Variants in TAX1BP1 observed in about 807,000 individuals in gnomAD.
TAX1BP1 encodes tax1-binding protein 1.
TAX1BP1 carries 62 observed loss-of-function variants against 97.7 expected under a neutral mutation model. That is an observed-to-expected ratio of 0.63 (90% confidence interval 0.52 to 0.78). The LOEUF (loss-of-function observed/expected upper bound fraction) is 0.78, where lower values mean the gene tolerates loss of function less well. TAX1BP1 is among the 30% of genes least tolerant of loss of function. The pLI, the probability that TAX1BP1 is intolerant of heterozygous loss-of-function variation, is 0.00. For synonymous variants in TAX1BP1, 340 were observed against 304.2 expected (o/e 1.12, Z -1.23); for missense variants, 867 against 916.1 (o/e 0.95, Z 0.69).
chr7:27,826,111 A>G (rs1382782711), intron 15 of TAX1BP1, among the ~76,000 whole-genome samples: 2 of 152,210 alleles, frequency 1.3e-5, no homozygotes, highest in Non-Finnish European at 2.9e-5. Flanking sequence ...ACTGTCCTAC[A>G]TACTAAGCTC....
intron 5 of TAX1BP1, among the ~76,000 whole-genome samples, chr7:27,784,426 T>G (rs541948227): frequency 6.6e-6 from 1 of 152,142 alleles, no homozygotes; most frequent in Non-Finnish European, 1.5e-5. Flanking sequence ...CTTTTATATT[T>G]GTCTTAGTGT....
rs190573061 is a variant in TAX1BP1, at chr7:27,797,849, T to C, written c.1638+1630T>C. On this transcript the variant is annotated intron_variant, in intron 12 of 16. Transcript: ENST00000396319. ...CAAAAACCTTCCTCAGGGTGCTTTTTTTTTTTTTTAAACAACCATATTGAG... is the reference window on the plus strand; with the variant it reads ...CAAAAACCTTCCTCAGGGTGCTTTTCTTTTTTTTTAAACAACCATATTGAG... Among the ~76,000 whole-genome samples the C allele has an allele frequency of 2.8e-3, 429 of 152,104 alleles. 6 individuals are homozygous for C. Among genetic ancestry groups the C allele is most frequent in the African/African-American group, 9.8e-3 (405 of 41,504 alleles).
intron 1 of TAX1BP1, among the ~76,000 whole-genome samples, chr7:27,742,589 G>A (rs1383800518): frequency 6.6e-6 from 1 of 152,164 alleles, no homozygotes; most frequent in African/African-American, 2.4e-5. Context: ...CACAGACACA[G>A]TAACAGTCTG....
At chr7:27,780,905 TTA>T (rs1214030377) in intron 5 of TAX1BP1, among the ~76,000 whole-genome samples, 1 of 152,158 alleles carries the variant, frequency 6.6e-6, no homozygotes, top group Non-Finnish European at 1.5e-5. Context: ...TTTTCATAGT[TTA>T]TTTCATAAGA....
chr7:27,744,637 A>G (rs969214356), intron 1 of TAX1BP1, among the ~76,000 whole-genome samples: 4 of 152,194 alleles, frequency 2.6e-5, no homozygotes, highest in Non-Finnish European at 4.4e-5. Context: ...TAAGTTCACT[A>G]AGGCTTACAT....
chr7:27,779,845 G>T (rs940370896), intron 5 of TAX1BP1, among the ~76,000 whole-genome samples: 7 of 152,086 alleles, frequency 4.6e-5, no homozygotes, highest in Non-Finnish European at 5.9e-5. Context: ...TTATGTCTTC[G>T]TGATAGAAAC....
At chr7:27,789,377 ACT>A (rs1274148414) in intron 8 of TAX1BP1, among the ~76,000 whole-genome samples, 1 of 151,820 alleles carries the variant, frequency 6.6e-6, no homozygotes, top group Non-Finnish European at 1.5e-5. Context: ...GAAAAATTTT[ACT>A]CTGAGGTCTC....
At chr7:27,790,629 G>A (rs1486063795) in intron 8 of TAX1BP1, among the ~76,000 whole-genome samples, 6 of 151,978 alleles carry the variant, frequency 3.9e-5, no homozygotes, top group African/African-American at 1.4e-4. Flanking sequence ...CATTATTTTA[G>A]TATTTTATTG....
intron 5 of TAX1BP1, among the ~76,000 whole-genome samples, chr7:27,783,531 G>C (rs1751383871): frequency 6.6e-6 from 1 of 152,184 alleles, no homozygotes; most frequent in African/African-American, 2.4e-5. Flanking sequence ...GTTGTAGTCA[G>C]AGTTAATTTA....
intron 1 of TAX1BP1, among the ~76,000 whole-genome samples, chr7:27,740,754 G>C (rs914973201): frequency 2.0e-5 from 3 of 152,224 alleles, no homozygotes; most frequent in Admixed American, 6.5e-5. Context: ...TTTGCGGAGA[G>C]AAACCCAGCT....
At chr7:27,762,920 T>A (rs961270154) in intron 3 of TAX1BP1, among the ~76,000 whole-genome samples, 1 of 152,172 alleles carries the variant, frequency 6.6e-6, no homozygotes, top group Non-Finnish European at 1.5e-5. Context: ...ACCACTTCAC[T>A]CCAGACTTGG....
At chr7:27,790,994 G>A (rs997239412) in intron 8 of TAX1BP1, among the ~76,000 whole-genome samples, 1 of 151,952 alleles carries the variant, frequency 6.6e-6, no homozygotes, top group Non-Finnish European at 1.5e-5. Context: ...CATGACTTTT[G>A]ACTTTTGTTT....
At chr7:27,753,081 C>G (rs1788081245) in intron 2 of TAX1BP1, among the ~76,000 whole-genome samples, 1 of 152,118 alleles carries the variant, frequency 6.6e-6, no homozygotes, top group East Asian at 1.9e-4. Context: ...GGGCAGATCA[C>G]TTCAGGTCAG....
chr7:27,777,700 C>A (rs1483218284), intron 5 of TAX1BP1, among the ~76,000 whole-genome samples: 1 of 152,182 alleles, frequency 6.6e-6, no homozygotes, highest in African/African-American at 2.4e-5. Context: ...CTTTCCTAGA[C>A]TCTCAGTTTC....
At chr7:27,795,295 G>A (rs1410244571) in intron 11 of TAX1BP1, among the ~76,000 whole-genome samples, 1 of 152,006 alleles carries the variant, frequency 6.6e-6, no homozygotes, top group Non-Finnish European at 1.5e-5. Flanking sequence ...TGGTAATGAA[G>A]GGCTAGAAGA....
chr7:27,743,476 C>G (rs921820972), intron 1 of TAX1BP1, among the ~76,000 whole-genome samples: 1 of 152,182 alleles, frequency 6.6e-6, no homozygotes, highest in African/African-American at 2.4e-5. Flanking sequence ...CAACCATTAC[C>G]TGAATTACAA....
chr7:27,820,358 G>C (rs1790927791), intron 15 of TAX1BP1, among the ~76,000 whole-genome samples: 1 of 152,004 alleles, frequency 6.6e-6, no homozygotes, highest in African/African-American at 2.4e-5. Flanking sequence ...CTTTTTTCTG[G>C]TGAGTTCTAG....
At chr7:27,740,687 G>C (rs973221493) in intron 1 of TAX1BP1, among the ~76,000 whole-genome samples, 1 of 152,194 alleles carries the variant, frequency 6.6e-6, no homozygotes, top group Non-Finnish European at 1.5e-5. Context: ...GGTTTTACCG[G>C]CGCAGTAAGC....
At chr7:27,768,316 A>G (rs1369955010) in intron 4 of TAX1BP1, among the ~76,000 whole-genome samples, 1 of 152,020 alleles carries the variant, frequency 6.6e-6, no homozygotes, top group Non-Finnish European at 1.5e-5. Flanking sequence ...TGTTTGGATG[A>G]TCATTGTAAA....
Sources: allele counts gnomAD v4.1 joint callset (sites outside exome capture counted in the v4.1 genomes callset), GRCh38; gene constraint gnomAD v4.1.1; transcripts MANE v1.5; gene names NCBI Gene and HGNC (gene_info 2026-07-23, HGNC 2026-07-21).